The following DENND4B variants were observed in gnomAD, a reference collection of about 807,000 sequenced individuals.
DENND4B encodes the protein DENN domain-containing protein 4B.
A neutral mutation model predicts 161.0 loss-of-function variants in DENND4B; 67 were observed. The observed-to-expected ratio is 0.42, with a 90% CI of 0.34 to 0.51. The LOEUF is 0.51. Among genes scored for constraint, DENND4B ranks in the 20% least tolerant of loss-of-function variants. The pLI, the probability that DENND4B is intolerant of heterozygous loss-of-function variation, is 0.08. For missense variants in DENND4B, 1,481 were observed against 1,968.0 expected, an observed-to-expected ratio of 0.75 and a Z score of 4.68; for synonymous variants, 753 against 813.8, an observed-to-expected ratio of 0.93 and a Z score of 1.27.
chr1:153,931,739 G>A (rs969475958), intron 24 of DENND4B, among the ~76,000 whole-genome samples: 25 of 151,590 alleles, frequency 1.6e-4, no homozygotes, highest in Non-Finnish European at 2.9e-4. Flanking sequence ...CTCATGATCT[G>A]CCCACCTTGG....
intron 6 of DENND4B, 94 bp downstream of exon 6, chr1:153,941,775 G>GCCCCC: frequency 3.0e-6 from 4 of 1,338,166 alleles, no homozygotes; most frequent in South Asian, 1.3e-5. Flanking sequence ...CCTGTGCCCA[G>GCCCCC]CCCTCCCCCC....
In DENND4B at chr1:153,944,782, TAC is replaced by T. The variant is rs1679872005; in HGVS notation, c.-23-387_-23-386del. Among the ~76,000 whole-genome samples, 1 of 152,146 alleles carries T rather than the reference TAC, an allele frequency of 6.6e-6. No homozygotes were observed. Among genetic ancestry groups the T allele is most frequent in the African/African-American group, 2.4e-5 (1 of 41,412 alleles). On this transcript the variant is annotated intron_variant, in intron 1 of 27. Transcript: ENST00000361217. This position sits in a 1 kb window ranked among gnomAD's most constrained non-coding sequence, Gnocchi z 4.8. ...GCTGGCCATGACATCATACCAACCT[TAC>T]AGTCTTTTCAAGGGTTTCTGACCTT...
In DENND4B at chr1:153,931,639, AG is replaced by A. The variant is rs1280000944; in HGVS notation, c.3996+564del. Among the ~76,000 whole-genome samples the A allele has an allele frequency of 2.0e-5, 3 of 151,732 alleles. No individual in the cohort carries two copies. The East Asian group carries it at 5.8e-4, about 29-fold the overall frequency. On this transcript the variant is annotated intron_variant, in intron 24 of 27. Coordinates refer to ENST00000361217, the MANE Select transcript of DENND4B (RefSeq NM_014856.3). ...CAGCCTCCCGAGTAGCTGGGACTAC[AG>A]GCGCCCGCCACCATGCCCGGCAAAT...
At position 153,934,745 on chromosome 1, in the gene DENND4B, C is replaced by T. The variant is rs1557849083; in HGVS notation, c.2773+15G>A. The T allele has an allele frequency of 6.2e-7, 1 of 1,606,952 alleles. No homozygotes were observed. The highest frequency in any genetic ancestry group is 8.5e-7 in the Non-Finnish European group (1 of 1,177,560). On this transcript the variant is annotated intron_variant, in intron 18 of 27. Transcript: ENST00000361217. The surrounding 1 kb of genome is among the most constrained non-coding windows in gnomAD (Gnocchi z 5.3). ...CTACTCCATCCCCAAGCCTGTCTCA[C>T]CAGGCCCTACCCACCTGCCTGGGAG...
rs1396162115 is a variant in DENND4B at position 153,937,842 on chromosome 1, G to A, written c.1987C>T (p.Pro663Ser). 6.2e-7 allele frequency: 1 copy of A among 1,613,904 alleles called. No individual in the cohort carries two copies. The highest frequency in any genetic ancestry group is 2.2e-5 in the East Asian group (1 of 44,898). The change falls in exon 14 of 28, where the codon CCT becomes TCT. Residue 663 changes from proline to serine, a missense_variant. Physicochemically the swap from Pro to Ser is moderately conservative, Grantham distance 74. Coordinates refer to ENST00000361217, the MANE Select transcript of DENND4B (RefSeq NM_014856.3). The surrounding 1 kb of genome is among the most constrained non-coding windows in gnomAD (Gnocchi z 4.7). The stretch of plus-strand genomic sequence containing the variant: ...AGCTCCACTAAGGGTGTCGGCTCAG[G>A]CTTCTCCTGCTCTGGGTGGACCTGG... ...VEKVHPEQEK[P>S]EPTPLVELEE... is the part of the protein sequence containing the mutation.
At chr1:153,939,097 C>G (rs2102049485) in intron 12 of DENND4B, 52 bp from the exon 13 acceptor site, 4 of 1,590,048 alleles carry the variant, frequency 2.5e-6, no homozygotes, top group Non-Finnish European at 3.4e-6. Flanking sequence ...GGCTCTCCAC[C>G]ACAGCCATAG....
chr1:153,938,206 C>T (rs1344852863), intron 13 of DENND4B, among the ~76,000 whole-genome samples: 3 of 151,566 alleles, frequency 2.0e-5, no homozygotes, highest in East Asian at 1.9e-4. Context: ...GCCAGGAGTT[C>T]GAGACCAGCC....
rs745843730 is a variant in DENND4B, at chr1:153,940,111, G to A, written c.1603+45C>T. 1 of 1,480,792 alleles carries A rather than the reference G, an allele frequency of 6.8e-7. No individual in the cohort carries two copies. The highest frequency in any genetic ancestry group is 9.1e-7 in the Non-Finnish European group (1 of 1,100,994). The allele number at this position is 1,480,792 out of a possible 1,614,324, so 91.7% of individuals were successfully genotyped here. A position where few individuals can be genotyped will look rare whatever the true frequency, so the allele number is the denominator to read the frequency against. On this transcript the variant is annotated intron_variant, in intron 11 of 27. Transcript: ENST00000361217. The surrounding 1 kb of genome is among the most constrained non-coding windows in gnomAD (Gnocchi z 5.6). ...AGACCTCTGCAAACTGGAGGTTTGA[G>A]GGCAATGACAGTTCCCAGCCTCCCT...
chr1:153,941,774 A>AGGGGT, intron 6 of DENND4B, 95 bp downstream of exon 6: 1 of 618,132 alleles, frequency 1.6e-6, no homozygotes, highest in African/African-American at 1.9e-5. Context: ...CCCTGTGCCC[A>AGGGGT]GCCCTCCCCC....
At position 153,937,484 on chromosome 1, in the gene DENND4B, T is replaced by C. The variant is rs999494745; in HGVS notation, c.2232+4A>G. On this transcript the variant is annotated splice_donor_region_variant and intron_variant, in intron 15 of 27. Coordinates refer to ENST00000361217, the MANE Select transcript of DENND4B (RefSeq NM_014856.3). This position sits in a 1 kb window ranked among gnomAD's most constrained non-coding sequence, Gnocchi z 4.7. The stretch of plus-strand genomic sequence containing the variant: ...TCCCTCAGTGCGGTCCACCCACTGC[T>C]TACCTGTTTGGTACGGCGAGGAGCA... 2.6e-6 allele frequency: 4 copies of C among 1,548,204 alleles called. No individual in the cohort carries two copies. In the African/African-American group the frequency reaches 5.5e-5, roughly 21 times the overall value.
chr1:153,938,860 G>A (rs1237974893), intron 13 of DENND4B, 40 bp downstream of exon 13: 7 of 1,557,366 alleles, frequency 4.5e-6, no homozygotes, highest in Non-Finnish European at 5.2e-6. Flanking sequence ...CAATGAGGGA[G>A]ACAGCAGAGG....
At chr1:153,941,773 C>CCGGCCGG in intron 6 of DENND4B, 96 bp downstream of exon 6, 1 of 1,426,304 alleles carries the variant, frequency 7.0e-7, no homozygotes, top group Non-Finnish European at 9.6e-7. Flanking sequence ...ACCCTGTGCC[C>CCGGCCGG]AGCCCTCCCC....
At position 153,930,207 on chromosome 1, in the gene DENND4B, C is replaced by T; in HGVS notation, c.*90G>A. ...GGCATCCTTCCCAGCCTGTTCCCAA[C>T]TCCATGAAGGCAACAGGGAAGCAGT... On this transcript the variant is annotated 3_prime_UTR_variant, in exon 28 of 28. Coordinates refer to ENST00000361217, the MANE Select transcript of DENND4B (RefSeq NM_014856.3). This position sits in a 1 kb window ranked among gnomAD's most constrained non-coding sequence, Gnocchi z 4.7. 13 of 1,476,944 alleles carry T rather than the reference C, an allele frequency of 8.8e-6. No individual in the cohort carries two copies. The highest frequency in any genetic ancestry group is 1.2e-5 in the Non-Finnish European group (13 of 1,103,452). The allele number at this position is 1,476,944 out of a possible 1,614,324, so 91.5% of individuals were successfully genotyped here. A position where few individuals can be genotyped will look rare whatever the true frequency, so the allele number is the denominator to read the frequency against.
Position 153,932,839 on chromosome 1 carries a change from G to T in DENND4B, c.3623+22C>A. On this transcript the variant is annotated intron_variant, in intron 22 of 27. Coordinates refer to ENST00000361217, the MANE Select transcript of DENND4B (RefSeq NM_014856.3). The surrounding 1 kb of genome is among the most constrained non-coding windows in gnomAD (Gnocchi z 5.8). ...CTTCACCTCCCTATTCCCACCCACA[G>T]CACTTGCCCTGCCTTGGGCACCTGG... 6.2e-7 allele frequency: 1 copy of T among 1,613,772 alleles called. No homozygotes were observed. Among genetic ancestry groups the T allele is most frequent in the Non-Finnish European group, 8.5e-7 (1 of 1,179,718 alleles).
At position 153,932,521 on chromosome 1, in the gene DENND4B, C is replaced by A; in HGVS notation, c.3760-81G>T. 6.4e-7 allele frequency: 1 copy of A among 1,558,074 alleles called. No homozygotes were observed. The highest frequency in any genetic ancestry group is 8.7e-7 in the Non-Finnish European group (1 of 1,150,272). On this transcript the variant is annotated intron_variant, in intron 23 of 27. Coordinates refer to ENST00000361217, the MANE Select transcript of DENND4B (RefSeq NM_014856.3). This position sits in a 1 kb window ranked among gnomAD's most constrained non-coding sequence, Gnocchi z 5.8. The stretch of plus-strand genomic sequence containing the variant: ...CCTCCCACTGAGCCACCACATCCAA[C>A]AGCTTTTGGGATGCCCCTTGCCCTC...
At position 153,933,957 on chromosome 1, in the gene DENND4B, C is replaced by T; in HGVS notation, c.2942-86G>A. 6.5e-7 allele frequency: 1 copy of T among 1,545,734 alleles called. No homozygotes were observed. The highest frequency in any genetic ancestry group is 8.7e-7 in the Non-Finnish European group (1 of 1,152,054). On this transcript the variant is annotated intron_variant, in intron 19 of 27. Transcript: ENST00000361217. This position sits in a 1 kb window ranked among gnomAD's most constrained non-coding sequence, Gnocchi z 5.7. Reference sequence around the variant, plus strand: ...CCTGAATAAACACAATTCCTGGCTGCACAAACTCTGGTGCCACCACCCCCA... The same window carrying T: ...CCTGAATAAACACAATTCCTGGCTGTACAAACTCTGGTGCCACCACCCCCA...
In DENND4B at chr1:153,930,714, G is replaced by T; in HGVS notation, c.4258C>A (p.Pro1420Thr). The part of the protein sequence containing the change: ...GLLLETLGPP[P>T]TGLHLQRGIY... Reference sequence around the variant, plus strand: ...TACCTCTGCAGGTGCAGGCCAGTGGGTGGGGGCCCTAGAGTTTCCAGCAGG... The same window carrying T: ...TACCTCTGCAGGTGCAGGCCAGTGGTTGGGGGCCCTAGAGTTTCCAGCAGG... The change falls in exon 26 of 28, where the codon CCC becomes ACC. Residue 1420 changes from proline (P) to threonine (T), a missense_variant. Physicochemically the swap from Pro to Thr is conservative, Grantham distance 38. Around this residue, in one of 3 missense-constraint regions of DENND4B, gnomAD observed 336 missense variants for 503.3 expected, o/e 0.67. Transcript: ENST00000361217. The surrounding 1 kb of genome is among the most constrained non-coding windows in gnomAD (Gnocchi z 4.7). 6.2e-7 allele frequency: 1 copy of T among 1,612,114 alleles called. No individual in the cohort carries two copies. The highest frequency in any genetic ancestry group is 8.5e-7 in the Non-Finnish European group (1 of 1,178,914).
chr1:153,938,183 C>T (rs1679456426), intron 13 of DENND4B, among the ~76,000 whole-genome samples: 3 of 151,238 alleles, frequency 2.0e-5, no homozygotes, highest in South Asian at 4.2e-4. Context: ...CCGAGGTGGG[C>T]GGATTACTTG....
intron 12 of DENND4B, 129 bp from the exon 13 acceptor site, chr1:153,939,174 G>A: frequency 8.7e-7 from 1 of 1,154,948 alleles, no homozygotes; most frequent in Non-Finnish European, 1.2e-6. Context: ...TGGACCCTCT[G>A]GCACAACTAC....
Sources: gnomAD v4.1 joint callset for allele counts (sites outside exome capture counted in the v4.1 genomes callset) on GRCh38, gnomAD v4.1.1 for gene constraint, gnomAD v4.1.1 regional missense constraint, Gnocchi (gnomAD v3.1) non-coding constraint, MANE v1.5 for transcripts, NCBI Gene and HGNC (gene_info 2026-07-23, HGNC 2026-07-21) for gene names.